The following DNAH17 variants were observed in gnomAD, a reference collection of about 807,000 sequenced individuals.
The protein encoded by DNAH17 is dynein axonemal heavy chain 17, also known as axonemal beta dynein heavy chain 17.
DNAH17 carries 376 observed loss-of-function variants against 485.6 expected under a neutral mutation model. The ratio of observed to expected loss-of-function variants is 0.77; its 90% CI spans 0.71 to 0.84. The LOEUF (loss-of-function observed/expected upper bound fraction) is 0.84, where lower values mean the gene tolerates loss of function less well. Ranked by LOEUF, DNAH17 falls within the 40% of genes least tolerant of loss-of-function variation. The pLI, the probability that DNAH17 is intolerant of heterozygous loss-of-function variation, is 0.00. For missense variants in DNAH17, 6,370 were observed against 5,839.3 expected, an observed-to-expected ratio of 1.09 and a Z score of -2.96; for synonymous variants, 3,031 against 2,405.9, an observed-to-expected ratio of 1.26 and a Z score of -7.60.
At chr17:78,494,241 G>C (rs2089980120) in intron 40 of DNAH17, 68 bp from the exon 41 acceptor site, 2 of 1,559,470 alleles carry the variant, frequency 1.3e-6, no homozygotes, top group Non-Finnish European at 1.7e-6. Flanking sequence ...CTGGGAGGCT[G>C]GGGGGCTTCC....
intron 22 of DNAH17, among the ~76,000 whole-genome samples, chr17:78,527,521 G>A (rs1422517905): frequency 1.3e-5 from 2 of 152,190 alleles, no homozygotes; most frequent in Non-Finnish European, 2.9e-5. Context: ...GGGTGTGGGT[G>A]TGGGTGTGGT....
At chr17:78,443,473 C>T (rs1273628433) in intron 71 of DNAH17, among the ~76,000 whole-genome samples, 5 of 152,202 alleles carry the variant, frequency 3.3e-5, no homozygotes, top group Admixed American at 6.5e-5. Flanking sequence ...CTGTCCTCTC[C>T]TATCGGAGGA....
At chr17:78,481,613 G>C (rs771731410) in intron 48 of DNAH17, among the ~76,000 whole-genome samples, 3 of 152,120 alleles carry the variant, frequency 2.0e-5, no homozygotes, top group Non-Finnish European at 4.4e-5. Flanking sequence ...GATAAAATGA[G>C]CTAACATATG....
chr17:78,481,045 T>G (rs2089324787), intron 48 of DNAH17, among the ~76,000 whole-genome samples: 1 of 151,458 alleles, frequency 6.6e-6, no homozygotes, highest in Admixed American at 6.6e-5. Flanking sequence ...TGCGCCCGCC[T>G]CAGCCTCCCA....
Position 78,526,982 on chromosome 17 carries a change from GTGCTCCGGC to G in DNAH17, c.3513_3521del (p.Pro1172_His1174del), listed in dbSNP as rs2091095692. ...TGGCCAGTTTCTTGGTATTTGCCCAGTGCTCCGGCAGCTCCTGCGGGAAGCAAAGGCAGA... is the reference window on the plus strand; with the variant it reads ...TGGCCAGTTTCTTGGTATTTGCCCAGAGCTCCTGCGGGAAGCAAAGGCAGA... On this transcript the variant is annotated inframe_deletion, in exon 23 of 81. Coordinates refer to ENST00000389840, the MANE Select transcript of DNAH17 (RefSeq NM_173628.4). 5.1e-6 allele frequency: 8 copies of G among 1,581,096 alleles called. No individual in the cohort carries two copies. Among genetic ancestry groups the G allele is most frequent in the African/African-American group, 1.3e-5 (1 of 74,342 alleles).
intron 9 of DNAH17, 68 bp downstream of exon 9, chr17:78,569,098 C>A (rs2092312537): frequency 1.9e-5 from 24 of 1,259,480 alleles, no homozygotes; most frequent in Non-Finnish European, 2.6e-5. Context: ...GGGATGGACG[C>A]TGCAGGTGTC....
At chr17:78,495,123 G>T (rs745667949) in intron 38 of DNAH17, 26 bp from the exon 39 acceptor site, 1 of 1,575,240 alleles carries the variant, frequency 6.3e-7, no homozygotes, top group Non-Finnish European at 8.6e-7. Flanking sequence ...GTGCCTGTGG[G>T]CTTCTGCCCA....
At chr17:78,463,180 A>C in intron 56 of DNAH17, 103 bp from the exon 57 acceptor site, 1 of 985,662 alleles carries the variant, frequency 1.0e-6, no homozygotes, top group Non-Finnish European at 1.5e-6. Flanking sequence ...GTGCCCTGAG[A>C]CCGCTCTCAA....
In DNAH17 at chr17:78,492,700, G is replaced by A; in HGVS notation, c.6474C>T (p.Asp2158=). The A allele has an allele frequency of 6.2e-7, 1 of 1,613,384 alleles. No homozygotes were observed. The highest frequency in any genetic ancestry group is 8.5e-7 in the Non-Finnish European group (1 of 1,179,726). Residue 2158 remains aspartate (D), a synonymous_variant, in exon 42 of 81, where the codon GAC becomes GAT. Transcript: ENST00000389840. ...LKRKPVAVDL[D]PKAVTCDELF... is the part of the protein sequence containing the mutation. ...GCTCGTCGCAGGTGACGGCCTTGGGGTCCAGGTCCACGGCGACCGGCTTCC... is the reference window on the plus strand; with the variant it reads ...GCTCGTCGCAGGTGACGGCCTTGGGATCCAGGTCCACGGCGACCGGCTTCC...
intron 56 of DNAH17, among the ~76,000 whole-genome samples, chr17:78,463,841 T>A (rs1197159105): frequency 1.3e-5 from 2 of 152,142 alleles, no homozygotes. Context: ...TGAAAAGTAA[T>A]GAATTCATCC....
intron 77 of DNAH17, chr17:78,428,186 A>G: frequency 2.6e-6 from 1 of 390,412 alleles, no homozygotes; most frequent in Admixed American, 3.6e-5. Context: ...TGGCCAGGCC[A>G]GGGTGGGGAA....
At chr17:78,426,078 TTAAACAAGGGAACAGG>T (rs1166326318) in intron 79 of DNAH17, among the ~76,000 whole-genome samples, 2 of 152,148 alleles carry the variant, frequency 1.3e-5, no homozygotes, top group Non-Finnish European at 2.9e-5. Context: ...TTGCTCCATT[TTAAACAAGGGAACAGG>T]TAGAGAAGGG....
intron 34 of DNAH17, 195 bp downstream of exon 34, chr17:78,501,547 C>A: frequency 1.0e-6 from 1 of 964,676 alleles, no homozygotes; most frequent in Non-Finnish European, 1.5e-6. Flanking sequence ...AATGGGCGGG[C>A]ACCGCTCATC....
At chr17:78,523,312 C>T (rs990097336) in intron 25 of DNAH17, among the ~76,000 whole-genome samples, 19 of 150,712 alleles carry the variant, frequency 1.3e-4, no homozygotes, top group East Asian at 3.9e-4. Flanking sequence ...TTAGTAGAGA[C>T]GGGGTTTCAC....
chr17:78,488,374 TCTC>T (rs1158766205), intron 44 of DNAH17, among the ~76,000 whole-genome samples: 1 of 152,156 alleles, frequency 6.6e-6, no homozygotes, highest in Non-Finnish European at 1.5e-5. Context: ...ATTTCCATTC[TCTC>T]CTCTGCCAAT....
intron 14 of DNAH17, among the ~76,000 whole-genome samples, chr17:78,557,636 CAAA>C (rs34251460): frequency 5.6e-3 from 162 of 29,018 alleles, no homozygotes; most frequent in African/African-American, 0.014. Flanking sequence ...GAGACTGTCT[CAAA>C]AAAAAAAAAA....
intron 10 of DNAH17, 56 bp downstream of exon 10, chr17:78,566,943 G>T: frequency 6.4e-7 from 1 of 1,551,166 alleles, no homozygotes; most frequent in South Asian, 1.2e-5. Flanking sequence ...AGCTGGTACC[G>T]AGGCTGGTGC....
chr17:78,465,632 G>A (rs1015081765), intron 56 of DNAH17, among the ~76,000 whole-genome samples: 10 of 151,564 alleles, frequency 6.6e-5, no homozygotes, highest in South Asian at 2.1e-4. Flanking sequence ...ACCCCGTCTG[G>A]GAGGTGAGGA....
chr17:78,425,273 G>A, intron 80 of DNAH17, 73 bp downstream of exon 80: 1 of 1,444,246 alleles, frequency 6.9e-7, no homozygotes, highest in Admixed American at 1.8e-5. Flanking sequence ...TTTGCCAAGA[G>A]CTAGTTTTAT....
Sources: gnomAD v4.1 joint callset for allele counts (sites outside exome capture counted in the v4.1 genomes callset) on GRCh38, gnomAD v4.1.1 for gene constraint, MANE v1.5 for transcripts, NCBI Gene and HGNC (gene_info 2026-07-23, HGNC 2026-07-21) for gene names.